Variants in PMFBP1 observed in about 807,000 individuals in gnomAD.
The protein encoded by PMFBP1 is polyamine-modulated factor 1-binding protein 1.
PMFBP1 carries 131 observed loss-of-function variants against 137.8 expected under a neutral mutation model. The ratio of observed to expected loss-of-function variants is 0.95; its 90% CI spans 0.82 to 1.10. PMFBP1 has a LOEUF of 1.10. PMFBP1 is among the 50% of genes least tolerant of loss of function. The pLI, the probability that PMFBP1 is intolerant of heterozygous loss-of-function variation, is 0.00. For synonymous variants in PMFBP1, 490 were observed against 450.4 expected (o/e 1.09, Z -1.11); for missense variants, 1,199 against 1,175.4 (o/e 1.02, Z -0.29).
chr16:72,226,599 C>A, the PMFBP1 span, among the ~76,000 whole-genome samples: 1 of 152,096 alleles, frequency 6.6e-6, no homozygotes, highest in Non-Finnish European at 1.5e-5. Context: ...ATTTTAATTT[C>A]AGAATTGTTT....
chr16:72,245,286 A>G, the PMFBP1 span, among the ~76,000 whole-genome samples: 1 of 152,180 alleles, frequency 6.6e-6, no homozygotes, highest in Non-Finnish European at 1.5e-5. Flanking sequence ...AGCACTTTAC[A>G]AGTATTCTAT....
At chr16:72,136,357 A>G in intron 9 of PMFBP1, 91 bp downstream of exon 9, 2 of 1,462,348 alleles carry the variant, frequency 1.4e-6, no homozygotes, top group Non-Finnish European at 1.9e-6. Context: ...TCCCAAAGCA[A>G]TAATGGTGGG....
At chr16:72,213,148 G>A in the PMFBP1 span, among the ~76,000 whole-genome samples, 1 of 144,936 alleles carries the variant, frequency 6.9e-6, no homozygotes, top group African/African-American at 2.5e-5. Flanking sequence ...AGAAAGTGGT[G>A]AAGGAAACTC....
chr16:72,119,368 G>A lies in PMFBP1; in HGVS notation c.3008-14C>T, dbSNP rs1302040458. 2 of 1,614,128 alleles carry A rather than the reference G, an allele frequency of 1.2e-6. No individual in the cohort carries two copies. Among genetic ancestry groups the A allele is most frequent in the Non-Finnish European group, 1.7e-6 (2 of 1,179,976 alleles). On this transcript the variant is annotated splice_polypyrimidine_tract_variant and intron_variant, in intron 20 of 20. Coordinates refer to ENST00000237353, the MANE Select transcript of PMFBP1 (RefSeq NM_031293.3). ...AGTATGAGGAACCTGAGGGAACAGG[G>A]AGGAAATGAGAGTTTTGATTCGAGG...
chr16:72,247,816 A>G, the PMFBP1 span, among the ~76,000 whole-genome samples: 1 of 151,950 alleles, frequency 6.6e-6, no homozygotes, highest in African/African-American at 2.4e-5. Context: ...CTTTATTTTT[A>G]TCCTGTTTAA....
the PMFBP1 span, among the ~76,000 whole-genome samples, chr16:72,229,189 C>G: frequency 6.6e-6 from 1 of 152,154 alleles, no homozygotes; most frequent in Non-Finnish European, 1.5e-5. Flanking sequence ...TTATCTCATT[C>G]TTATTTACGG....
the PMFBP1 span, among the ~76,000 whole-genome samples, chr16:72,182,495 C>CA: frequency 0.042 from 3,079 of 73,554 alleles, 78 homozygotes; most frequent in African/African-American, 0.068. Context: ...AACTCTGCCT[C>CA]AAAAAAAAAA....
At chr16:72,195,497 T>A in the PMFBP1 span, among the ~76,000 whole-genome samples, 7 of 152,220 alleles carry the variant, frequency 4.6e-5, no homozygotes, top group African/African-American at 1.7e-4. Flanking sequence ...TTAACCTTGC[T>A]AACCCCTCCT....
the PMFBP1 span, among the ~76,000 whole-genome samples, chr16:72,214,361 G>A: frequency 1.3e-5 from 2 of 152,066 alleles, no homozygotes; most frequent in Non-Finnish European, 2.9e-5. Context: ...ATTTTTAGTA[G>A]AGACGGGGTT....
At chr16:72,135,344 T>TG (rs2042608332) in intron 9 of PMFBP1, among the ~76,000 whole-genome samples, 1 of 85,608 alleles carries the variant, frequency 1.2e-5, no homozygotes, top group African/African-American at 6.1e-5. Context: ...CCTGGCTAAT[T>TG]TTGTGTGTGT....
chr16:72,231,459 T>C, the PMFBP1 span, among the ~76,000 whole-genome samples: 1 of 152,144 alleles, frequency 6.6e-6, no homozygotes, highest in Non-Finnish European at 1.5e-5. Flanking sequence ...AAGTTTCCCA[T>C]GTTTAGAGAA....
rs189048532 is a variant in PMFBP1, at chr16:72,171,126, C to A, written c.12+71G>T. 1,114 of 1,526,958 alleles carry A rather than the reference C, an allele frequency of 7.3e-4. 9 individuals are homozygous for A. The East Asian group carries it at 0.016, about 22-fold the overall frequency. The allele number at this position is 1,526,958 out of a possible 1,614,324, so 94.6% of individuals were successfully genotyped here. A position where few individuals can be genotyped will look rare whatever the true frequency, so the allele number is the denominator to read the frequency against. On this transcript the variant is annotated intron_variant, in intron 2 of 20. Coordinates refer to ENST00000237353, the MANE Select transcript of PMFBP1 (RefSeq NM_031293.3). ...GATGCTTATTACTGGAATTTTGAAT[C>A]ATAAAACATGAAAAAAGTCCCTTGT...
chr16:72,175,421 T>C (rs1195460491), upstream of PMFBP1, among the ~76,000 whole-genome samples: 2 of 152,144 alleles, frequency 1.3e-5, no homozygotes, highest in East Asian at 1.9e-4. Context: ...CCTGCCCACA[T>C]TGGGTTACAC....
intron 9 of PMFBP1, among the ~76,000 whole-genome samples, chr16:72,133,748 C>A (rs549637074): frequency 6.6e-6 from 1 of 152,236 alleles, no homozygotes; most frequent in Non-Finnish European, 1.5e-5. Context: ...TAATTGGTCA[C>A]GGCCATGCCA....
the PMFBP1 span, among the ~76,000 whole-genome samples, chr16:72,192,000 T>C: frequency 6.6e-6 from 1 of 152,350 alleles, no homozygotes; most frequent in East Asian, 1.9e-4. Context: ...AATGATCAAA[T>C]GCGTGTGTGT....
chr16:72,170,616 A>C (rs977286971), intron 2 of PMFBP1, among the ~76,000 whole-genome samples: 3 of 151,970 alleles, frequency 2.0e-5, no homozygotes, highest in African/African-American at 7.3e-5. Context: ...TTTTTTGTAG[A>C]GACAGGGGTC....
chr16:72,148,637 G>A (rs1043486440), intron 5 of PMFBP1, among the ~76,000 whole-genome samples: 7 of 152,058 alleles, frequency 4.6e-5, no homozygotes, highest in Non-Finnish European at 4.4e-5. Context: ...AAGCATTATT[G>A]CCTGTAATAT....
intron 3 of PMFBP1, among the ~76,000 whole-genome samples, chr16:72,163,193 T>C (rs747144819): frequency 7.9e-5 from 12 of 152,224 alleles, no homozygotes; most frequent in Non-Finnish European, 1.6e-4. Flanking sequence ...ACCTTCTTTA[T>C]GTTTACCGAG....
intron 19 of PMFBP1, among the ~76,000 whole-genome samples, chr16:72,121,551 CTGCCCTTGG>C (rs2042377546): frequency 6.6e-6 from 1 of 152,260 alleles, no homozygotes; most frequent in Non-Finnish European, 1.5e-5. Flanking sequence ...AGATGCCTGC[CTGCCCTTGG>C]GGGCAGGCTC....
Sources: gnomAD v4.1 joint callset for allele counts (sites outside exome capture counted in the v4.1 genomes callset) on GRCh38, gnomAD v4.1.1 for gene constraint, MANE v1.5 for transcripts, NCBI Gene and HGNC (gene_info 2026-07-23, HGNC 2026-07-21) for gene names.